Variants in FBXL17 observed in about 807,000 individuals in gnomAD.
FBXL17 encodes F-box/LRR-repeat protein 17.
A neutral mutation model predicts 66.2 loss-of-function variants in FBXL17; 22 were observed. The ratio of observed to expected loss-of-function variants is 0.33; its 90% CI spans 0.24 to 0.47. The LOEUF (loss-of-function observed/expected upper bound fraction) is 0.47, where lower values mean the gene tolerates loss of function less well. Ranked by LOEUF, FBXL17 falls within the 20% of genes least tolerant of loss-of-function variation. The probability of loss-of-function intolerance (pLI) is 1.00; values close to 1 mark genes in which losing one functional copy is unlikely to be tolerated. For missense variants in FBXL17, 878 were observed against 948.2 expected (o/e 0.93, Z 0.97); for synonymous variants, 474 against 400.5 (o/e 1.18, Z -2.19).
At chr5:108,340,585 G>T (rs1305093926) in intron 4 of FBXL17, among the ~76,000 whole-genome samples, 3 of 152,108 alleles carry the variant, frequency 2.0e-5, no homozygotes, top group Non-Finnish European at 4.4e-5. Flanking sequence ...GTACATTAGT[G>T]ACTTTGGCTG....
At chr5:107,964,571 T>C (rs1052117776) in intron 7 of FBXL17, among the ~76,000 whole-genome samples, 17 of 152,104 alleles carry the variant, frequency 1.1e-4, no homozygotes, top group Non-Finnish European at 2.1e-4. Flanking sequence ...TTAATAGAAC[T>C]GATAGTCCCC....
chr5:108,271,964 A>T (rs1179644515), intron 4 of FBXL17, among the ~76,000 whole-genome samples: 1 of 152,172 alleles, frequency 6.6e-6, no homozygotes, highest in Non-Finnish European at 1.5e-5. Flanking sequence ...AGACTAAATG[A>T]GCTAATACAC....
chr5:107,928,735 G>A (rs1020260116), intron 7 of FBXL17, among the ~76,000 whole-genome samples: 7 of 152,130 alleles, frequency 4.6e-5, no homozygotes, highest in Non-Finnish European at 8.8e-5. Context: ...CAAAAGGCAT[G>A]TATCCCTAAT....
At chr5:108,142,040 G>A (rs952847681) in intron 6 of FBXL17, among the ~76,000 whole-genome samples, 3 of 152,212 alleles carry the variant, frequency 2.0e-5, no homozygotes, top group Non-Finnish European at 4.4e-5. Context: ...CCTTCAGAAT[G>A]GAGGTTGTTA....
At chr5:107,994,013 A>C (rs2112699232) in intron 7 of FBXL17, among the ~76,000 whole-genome samples, 1 of 152,334 alleles carries the variant, frequency 6.6e-6, no homozygotes, top group South Asian at 2.1e-4. Context: ...AGATTTTCAA[A>C]ATAATGTTAA....
intron 3 of FBXL17, among the ~76,000 whole-genome samples, chr5:108,364,389 T>C (rs193153689): frequency 1.3e-5 from 2 of 152,088 alleles, no homozygotes; most frequent in Admixed American, 1.3e-4. Context: ...TGTCATCTAG[T>C]ATAATAAAAG....
chr5:108,009,475 C>A (rs1473594133), intron 7 of FBXL17, among the ~76,000 whole-genome samples: 2 of 151,126 alleles, frequency 1.3e-5, no homozygotes, highest in East Asian at 3.9e-4. Flanking sequence ...AAAGCCAAGT[C>A]ACTTTCAGTC....
chr5:108,207,965 C>G lies in FBXL17; in HGVS notation c.1614+16156G>C, dbSNP rs146980220. ...AAGTGTCCCTATTTCTCCACATCCTCTCTAGCATCTGTTGTTTCCTGACTT... is the reference window on the plus strand; with the variant it reads ...AAGTGTCCCTATTTCTCCACATCCTGTCTAGCATCTGTTGTTTCCTGACTT... On this transcript the variant is annotated intron_variant, in intron 5 of 8. Transcript: ENST00000542267. 1.7e-3 allele frequency among the ~76,000 whole-genome samples: 266 copies of G among 152,322 alleles called. 1 individual carries two copies. Among genetic ancestry groups the G allele is most frequent in the African/African-American group, 6.2e-3 (258 of 41,570 alleles).
At chr5:108,334,534 T>C (rs1363062133) in intron 4 of FBXL17, among the ~76,000 whole-genome samples, 2 of 152,186 alleles carry the variant, frequency 1.3e-5, no homozygotes, top group African/African-American at 4.8e-5. Context: ...CAATTTTCAA[T>C]TCAGTTTCTT....
intron 6 of FBXL17, among the ~76,000 whole-genome samples, chr5:108,070,606 T>C (rs567448416): frequency 2.0e-5 from 3 of 152,328 alleles, no homozygotes; most frequent in South Asian, 4.1e-4. Context: ...TGTAAACTGA[T>C]TAGGGTAAAC....
At chr5:108,105,639 G>T (rs978712318) in intron 6 of FBXL17, among the ~76,000 whole-genome samples, 5 of 152,210 alleles carry the variant, frequency 3.3e-5, no homozygotes, top group Non-Finnish European at 5.9e-5. Flanking sequence ...ATTCATGTAT[G>T]TCGATTATCT....
At chr5:107,956,073 TA>T (rs1751653827) in intron 7 of FBXL17, among the ~76,000 whole-genome samples, 1 of 152,166 alleles carries the variant, frequency 6.6e-6, no homozygotes, top group Admixed American at 6.5e-5. Context: ...GGGGTTGTCA[TA>T]AAACCATCAA....
rs371270621 is a variant in FBXL17 at position 108,114,110 on chromosome 5, G to T, written c.1745+72007C>A. ...TTACACAGCAGTGCTGTATATGAAG[G>T]TCATGAAGCTAATCTTCATTATCAT... On this transcript the variant is annotated intron_variant, in intron 6 of 8. Transcript: ENST00000542267. Among the ~76,000 whole-genome samples the T allele has an allele frequency of 1.2e-4, 18 of 152,244 alleles. No individual in the cohort carries two copies. In the East Asian group the frequency reaches 2.3e-3, roughly 20 times the overall value.
chr5:108,060,382 C>T (rs1341370307), intron 6 of FBXL17, among the ~76,000 whole-genome samples: 1 of 152,026 alleles, frequency 6.6e-6, no homozygotes, highest in Non-Finnish European at 1.5e-5. Flanking sequence ...GCTGTTCAGC[C>T]AATCTGTTTA....
In FBXL17 at chr5:108,223,171, T is replaced by C. The variant is rs1456360795; in HGVS notation, c.1614+950A>G. 9.9e-5 allele frequency among the ~76,000 whole-genome samples: 15 copies of C among 152,248 alleles called. No individual in the cohort carries two copies. The South Asian group carries it at 1.2e-3, about 13-fold the overall frequency. ...TCCTATTCACTGTATGATCCTACCATAGTCCTAGGTAACTCATAAACATTT... is the reference window on the plus strand; with the variant it reads ...TCCTATTCACTGTATGATCCTACCACAGTCCTAGGTAACTCATAAACATTT... On this transcript the variant is annotated intron_variant, in intron 5 of 8. Coordinates refer to ENST00000542267, the MANE Select transcript of FBXL17 (RefSeq NM_001163315.3).
At chr5:108,292,461 T>G (rs1316273626) in intron 4 of FBXL17, among the ~76,000 whole-genome samples, 1 of 152,118 alleles carries the variant, frequency 6.6e-6, no homozygotes, top group East Asian at 1.9e-4. Context: ...GTCAGCCTCA[T>G]GGTCCACAGT....
At chr5:107,974,633 A>G (rs530419733) in intron 7 of FBXL17, among the ~76,000 whole-genome samples, 1 of 152,302 alleles carries the variant, frequency 6.6e-6, no homozygotes, top group South Asian at 2.1e-4. Context: ...TTATTGACTG[A>G]AAATTCAACT....
intron 8 of FBXL17, among the ~76,000 whole-genome samples, chr5:107,873,876 T>C (rs1424057661): frequency 6.6e-6 from 1 of 152,168 alleles, no homozygotes; most frequent in African/African-American, 2.4e-5. Context: ...CCTACAGTAT[T>C]TGGGGAACAG....
rs544672907 is a variant in FBXL17, at chr5:108,260,546, C to A, written c.1507-36318G>T. 6.6e-5 allele frequency among the ~76,000 whole-genome samples: 10 copies of A among 152,214 alleles called. No individual in the cohort carries two copies. The East Asian group carries it at 1.9e-3, about 29-fold the overall frequency. ...GAGGAAACGGCAAAACCATGCCAGG[C>A]AACATCGTATTACAAGGAGGGAAGA... On this transcript the variant is annotated intron_variant, in intron 4 of 8. Transcript: ENST00000542267.
Sources: allele counts gnomAD v4.1 joint callset (sites outside exome capture counted in the v4.1 genomes callset), GRCh38; gene constraint gnomAD v4.1.1; transcripts MANE v1.5; gene names NCBI Gene and HGNC (gene_info 2026-07-23, HGNC 2026-07-21).